Variants in RAI1 observed in about 807,000 individuals in gnomAD.
RAI1 encodes retinoic acid induced 1.
Under a neutral mutation model 123.8 loss-of-function variants are expected in RAI1, and 9 were observed. That is an observed-to-expected ratio of 0.07 (90% confidence interval 0.04 to 0.13). The LOEUF (loss-of-function observed/expected upper bound fraction) is 0.13, where lower values mean the gene tolerates loss of function less well. Ranked by LOEUF, RAI1 falls within the 10% of genes least tolerant of loss-of-function variation. The probability of loss-of-function intolerance (pLI) is 1.00; values close to 1 mark genes in which losing one functional copy is unlikely to be tolerated. For missense variants in RAI1, 2,256 were observed against 2,545.8 expected, an observed-to-expected ratio of 0.89 and a Z score of 2.45; for synonymous variants, 1,231 against 1,127.3, an observed-to-expected ratio of 1.09 and a Z score of -1.84.
chr17:17,769,807 G>T lies in RAI1; in HGVS notation c.-16-23126G>T, dbSNP rs2031078006. ...GATGCACTGGAGCCAAGCCATTAAGGACCCTGCACCCCGGCCAGAGGCCTC... is the reference window on the plus strand; with the variant it reads ...GATGCACTGGAGCCAAGCCATTAAGTACCCTGCACCCCGGCCAGAGGCCTC... On this transcript the variant is annotated intron_variant, in intron 2 of 5. Coordinates refer to ENST00000353383, the MANE Select transcript of RAI1 (RefSeq NM_030665.4). Among the ~76,000 whole-genome samples the T allele has an allele frequency of 2.6e-5, 4 of 152,316 alleles. No individual in the cohort carries two copies. In the South Asian group the frequency reaches 8.3e-4, roughly 32 times the overall value.
rs933905725 is a variant in RAI1, at chr17:17,799,655, C to T, written c.5565+1142C>T. ...TCAACCCACTATGTGCGGCTGAGGT[C>T]ACAGGGGAGCCAGAGGGGCTTGGCA... On this transcript the variant is annotated intron_variant, in intron 3 of 5. Transcript: ENST00000353383. This position sits in a 1 kb window ranked among gnomAD's most constrained non-coding sequence, Gnocchi z 4.5. Among the ~76,000 whole-genome samples, 3 of 152,312 alleles carry T rather than the reference C, an allele frequency of 2.0e-5. No individual in the cohort carries two copies. Among genetic ancestry groups the T allele is most frequent in the Admixed American group, 6.5e-5 (1 of 15,310 alleles).
chr17:17,781,818 C>A (rs1049050307), intron 2 of RAI1, among the ~76,000 whole-genome samples: 1 of 152,160 alleles, frequency 6.6e-6, no homozygotes, highest in Non-Finnish European at 1.5e-5. Context: ...AAATGGGGGG[C>A]GGGGGCAGCG....
At chr17:17,749,842 A>C (rs757025502) in intron 2 of RAI1, among the ~76,000 whole-genome samples, 1 of 152,242 alleles carries the variant, frequency 6.6e-6, no homozygotes, top group Non-Finnish European at 1.5e-5. Flanking sequence ...AGCATAGGGC[A>C]TGTAGCTCCA....
intron 2 of RAI1, among the ~76,000 whole-genome samples, chr17:17,747,388 G>T (rs2029966440): frequency 1.3e-5 from 2 of 152,234 alleles, no homozygotes; most frequent in South Asian, 2.1e-4. Flanking sequence ...GGAAGATGGG[G>T]TGGGCCAGTC....
intron 2 of RAI1, among the ~76,000 whole-genome samples, chr17:17,758,269 AC>A (rs1370321385): frequency 5.9e-5 from 9 of 152,070 alleles, no homozygotes; most frequent in African/African-American, 1.7e-4. Context: ...CACTCAGCAA[AC>A]CCTCTCCAGG....
Position 17,797,932 on chromosome 17 carries a change from C to T in RAI1, c.4984C>T (p.Pro1662Ser), listed in dbSNP as rs764221057. Residue 1662 changes from proline to serine, a missense_variant, in exon 3 of 6, where the codon CCC (proline) becomes TCC (serine). Coordinates refer to ENST00000353383, the MANE Select transcript of RAI1 (RefSeq NM_030665.4). ...TGGAGGCTCCATCCTGCAGCCGCGG[C>T]CCTCCTTGCCCCTCTCCTCCACGAT... Reference protein sequence around the residue: ...LPGGSILQPRPSLPLSSTMHL... With the variant: ...LPGGSILQPRSSLPLSSTMHL... 11 of 1,614,048 alleles carry T rather than the reference C, an allele frequency of 6.8e-6. No homozygotes were observed. The highest frequency in any genetic ancestry group is 8.5e-6 in the Non-Finnish European group (10 of 1,180,032).
chr17:17,785,258 C>T (rs895311332), intron 2 of RAI1, among the ~76,000 whole-genome samples: 1 of 152,228 alleles, frequency 6.6e-6, no homozygotes, highest in Non-Finnish European at 1.5e-5. Context: ...TGCATCCTGG[C>T]CTCCAGGCCC....
chr17:17,779,925 G>A (rs1376513039), intron 2 of RAI1, among the ~76,000 whole-genome samples: 2 of 151,296 alleles, frequency 1.3e-5, no homozygotes, highest in Admixed American at 6.6e-5. Flanking sequence ...GCAGGCACCC[G>A]CCACCTCGCC....
Position 17,794,945 on chromosome 17 carries a change from C to T in RAI1, c.1997C>T (p.Ala666Val), listed in dbSNP as rs1299605141. ...TGGCCCCGGCCTGGGGAGCCGGAGGCCCTGCCCGACTCCTTGCAGCTGGAC... is the reference window on the plus strand; with the variant it reads ...TGGCCCCGGCCTGGGGAGCCGGAGGTCCTGCCCGACTCCTTGCAGCTGGAC... ...SAWPRPGEPE[A>V]LPDSLQLDKG... Residue 666 changes from alanine (A) to valine (V), a missense_variant, in exon 3 of 6, where the codon GCC (alanine) becomes GTC (valine). Physicochemically the swap from Ala to Val is moderately conservative, Grantham distance 64. Transcript: ENST00000353383. 6 of 1,613,732 alleles carry T rather than the reference C, an allele frequency of 3.7e-6. No homozygotes were observed. The highest frequency in any genetic ancestry group is 1.1e-5 in the South Asian group (1 of 91,088).
chr17:17,795,553 G>A lies in RAI1; in HGVS notation c.2605G>A (p.Glu869Lys). ...TSRKEDLEAEEEYSSLCELLG... is the reference protein window; with the variant it reads ...TSRKEDLEAEKEYSSLCELLG... ...CAGGAAGGAGGACCTGGAAGCTGAG[G>A]AGGAGTACTCCTCCCTATGTGAGCT... Residue 869 changes from glutamate to lysine, a missense_variant, in exon 3 of 6, where the codon GAG becomes AAG. Glu to Lys is a moderately conservative substitution (Grantham distance 56). Around this residue, in one of 7 missense-constraint regions of RAI1, gnomAD observed 566 missense variants for 616.0 expected, o/e 0.92. Coordinates refer to ENST00000353383, the MANE Select transcript of RAI1 (RefSeq NM_030665.4). This position sits in a 1 kb window ranked among gnomAD's most constrained non-coding sequence, Gnocchi z 5.9. 6.2e-7 allele frequency: 1 copy of A among 1,608,430 alleles called. No homozygotes were observed. Among genetic ancestry groups the A allele is most frequent in the Non-Finnish European group, 8.5e-7 (1 of 1,177,596 alleles).
chr17:17,682,914 C>T (rs931509065), intron 1 of RAI1, among the ~76,000 whole-genome samples: 8 of 151,962 alleles, frequency 5.3e-5, no homozygotes, highest in African/African-American at 1.4e-4. Context: ...CCGGTGGGGG[C>T]TGGGGGAGGG....
intron 1 of RAI1, among the ~76,000 whole-genome samples, chr17:17,708,437 T>C (rs985379450): frequency 2.0e-5 from 3 of 152,110 alleles, no homozygotes; most frequent in Non-Finnish European, 4.4e-5. Flanking sequence ...CATATATATA[T>C]ATGTACATTT....
chr17:17,698,950 A>C (rs563154263), intron 1 of RAI1, among the ~76,000 whole-genome samples: 7 of 152,236 alleles, frequency 4.6e-5, no homozygotes, highest in African/African-American at 1.4e-4. Flanking sequence ...TCGTGCATTC[A>C]TGCATGGGAA....
chr17:17,707,205 G>A (rs1915420416), intron 1 of RAI1, among the ~76,000 whole-genome samples: 1 of 152,210 alleles, frequency 6.6e-6, no homozygotes, highest in South Asian at 2.1e-4. Flanking sequence ...AGCTACTCAG[G>A]AGGCTGAGGT....
At chr17:17,732,127 G>T (rs1205927492) in intron 2 of RAI1, among the ~76,000 whole-genome samples, 1 of 152,110 alleles carries the variant, frequency 6.6e-6, no homozygotes, top group Non-Finnish European at 1.5e-5. Flanking sequence ...CCAATGAAAG[G>T]TTCCTGCCAT....
intron 1 of RAI1, among the ~76,000 whole-genome samples, chr17:17,711,073 T>C (rs1025011033): frequency 1.3e-5 from 2 of 152,136 alleles, no homozygotes; most frequent in African/African-American, 2.4e-5. Flanking sequence ...AAAATCCTGA[T>C]GGATGGGAAG....
intron 1 of RAI1, among the ~76,000 whole-genome samples, chr17:17,708,409 T>TACACAC (rs1428609881): frequency 2.3e-5 from 3 of 133,286 alleles, no homozygotes; most frequent in African/African-American, 8.9e-5. Flanking sequence ...CATATATATA[T>TACACAC]ATACACACAC....
intron 1 of RAI1, among the ~76,000 whole-genome samples, chr17:17,708,231 G>A (rs1484263243): frequency 2.0e-5 from 3 of 152,136 alleles, no homozygotes; most frequent in Non-Finnish European, 2.9e-5. Context: ...TGACCCTGAG[G>A]TGGCAGCAGG....
chr17:17,689,168 G>C (rs1914754024), intron 1 of RAI1, among the ~76,000 whole-genome samples: 1 of 151,724 alleles, frequency 6.6e-6, no homozygotes, highest in Non-Finnish European at 1.5e-5. Context: ...ATGTTGGCCA[G>C]GCGGGTCTCA....
Sources: gnomAD v4.1 joint callset for allele counts (sites outside exome capture counted in the v4.1 genomes callset) on GRCh38, gnomAD v4.1.1 for gene constraint, gnomAD v4.1.1 regional missense constraint, Gnocchi (gnomAD v3.1) non-coding constraint, MANE v1.5 for transcripts, NCBI Gene and HGNC (gene_info 2026-07-23, HGNC 2026-07-21) for gene names.